Variants in CCDC180 observed in about 807,000 individuals in gnomAD.
CCDC180 encodes the protein coiled-coil domain containing 180, also known as coiled-coil domain-containing protein 180.
Under a neutral mutation model 209.2 loss-of-function variants are expected in CCDC180, and 154 were observed. The ratio of observed to expected loss-of-function variants is 0.74; its 90% CI spans 0.65 to 0.84. The LOEUF (loss-of-function observed/expected upper bound fraction) is 0.84. CCDC180 is among the 40% of genes least tolerant of loss of function. The probability of loss-of-function intolerance (pLI) is 0.00; values close to 1 mark genes in which losing one functional copy is unlikely to be tolerated. For synonymous variants in CCDC180, 778 were observed against 749.1 expected, an observed-to-expected ratio of 1.04 and a Z score of -0.63; for missense variants, 1,874 against 1,997.3, an observed-to-expected ratio of 0.94 and a Z score of 1.18.
intron 2 of CCDC180, among the ~76,000 whole-genome samples, chr9:97,309,007 A>G (rs1388242198): frequency 6.6e-6 from 1 of 152,200 alleles, no homozygotes; most frequent in Non-Finnish European, 1.5e-5. Flanking sequence ...TTAACCATAT[A>G]TCATCTCCTA....
intron 11 of CCDC180, 21 bp from the exon 12 acceptor site, chr9:97,322,812 C>T: frequency 6.2e-7 from 1 of 1,610,098 alleles, no homozygotes; most frequent in Non-Finnish European, 8.5e-7. Context: ...GACTGATTTG[C>T]TTTGTTTTCT....
At chr9:97,325,282 A>G (rs752213408) in intron 14 of CCDC180, 90 bp downstream of exon 14, 176 of 1,384,758 alleles carry the variant, frequency 1.3e-4, no homozygotes, top group Non-Finnish European at 1.5e-4. Context: ...ACCTTAAGCT[A>G]TGAAATTTGT....
At chr9:97,324,309 G>A (rs1833456092) in intron 13 of CCDC180, among the ~76,000 whole-genome samples, 1 of 152,206 alleles carries the variant, frequency 6.6e-6, no homozygotes, top group South Asian at 2.1e-4. Context: ...CACCTTGTCA[G>A]CTCCACCAGT....
Position 97,350,480 on chromosome 9 carries a change from G to A in CCDC180, c.2927G>A (p.Arg976His), listed in dbSNP as rs749258986. 2.9e-5 allele frequency: 45 copies of A among 1,536,252 alleles called. No individual in the cohort carries two copies. The highest frequency in any genetic ancestry group is 1.7e-4 in the Middle Eastern group (1 of 5,950). Residue 976 changes from arginine (R) to histidine (H), a missense_variant, in exon 22 of 37, where the codon CGC becomes CAC. By Grantham distance (29) the Arg-to-His change is conservative (BLOSUM62 0). Transcript: ENST00000529487. ...SYVDVTQVSL[R>H]SFRQYLEESL... is the part of the protein sequence containing the mutation. ...GTTGATGTCACCCAGGTGTCCCTGC[G>A]CAGCTTCCGGCAGTACTTGGAGGAG...
At chr9:97,361,652 A>C in intron 26 of CCDC180, 74 bp from the exon 27 acceptor site, 1 of 1,506,430 alleles carries the variant, frequency 6.6e-7, no homozygotes, top group Non-Finnish European at 9.0e-7. Context: ...GGGAGGGAAC[A>C]TGAATTCGGC....
intron 13 of CCDC180, among the ~76,000 whole-genome samples, chr9:97,324,758 G>T (rs1269931259): frequency 6.6e-6 from 1 of 152,260 alleles, no homozygotes; most frequent in East Asian, 1.9e-4. Flanking sequence ...TCCTGTCAGA[G>T]ACTTTTGTGG....
In CCDC180 at chr9:97,374,628, C is replaced by T. The variant is rs751895297; in HGVS notation, c.4686C>T (p.Pro1562=). The part of the protein sequence containing the change: ...GLSLKEESEK[P]LIERGSRKWP... ...CCCTGAAGGAAGAGAGTGAGAAACC[C>T]CTGATTGAACGTGGAAGCAGGTGAG... Residue 1562 remains proline, a synonymous_variant, in exon 35 of 37, where the codon CCC becomes CCT. Coordinates refer to ENST00000529487, the MANE Select transcript of CCDC180 (RefSeq NM_020893.6). 6.2e-7 allele frequency: 1 copy of T among 1,613,994 alleles called. No individual in the cohort carries two copies. The highest frequency in any genetic ancestry group is 8.5e-7 in the Non-Finnish European group (1 of 1,179,938).
upstream of CCDC180, chr9:97,307,630 A>C: frequency 1.9e-6 from 2 of 1,069,182 alleles, no homozygotes; most frequent in South Asian, 1.4e-5. Flanking sequence ...TCTGCGCCGC[A>C]TTAGAGTTCC....
rs781213224 is a variant in CCDC180 at position 97,313,335 on chromosome 9, A to G, written c.449A>G (p.Gln150Arg). The G allele has an allele frequency of 5.6e-6, 9 of 1,608,330 alleles. No individual in the cohort carries two copies. In the Admixed American group the frequency reaches 8.3e-5, roughly 15 times the overall value. The stretch of plus-strand genomic sequence containing the variant: ...GCCAGCTTTCAGGAGGAGATTGCGC[A>G]GGTGGGAAAGGTGAGAATCCTCCCT... ...ALASFQEEIA[Q>R]VGKEMEPLIV... is the part of the protein sequence containing the mutation. The change falls in exon 5 of 37, where the codon CAG becomes CGG. Residue 150 changes from glutamine (Q) to arginine (R), a missense_variant. By Grantham distance (43) the Gln-to-Arg change is conservative. Transcript: ENST00000529487.
At chr9:97,357,515 T>C in intron 24 of CCDC180, 112 bp from the exon 25 acceptor site, 1 of 718,172 alleles carries the variant, frequency 1.4e-6, no homozygotes. Context: ...TTTTCCCTGA[T>C]TTCATTTTTT....
chr9:97,330,884 A>G (rs1015788544), intron 18 of CCDC180, 117 bp downstream of exon 18: 5 of 1,004,810 alleles, frequency 5.0e-6, no homozygotes, highest in Non-Finnish European at 5.8e-6. Flanking sequence ...AGGTGCAGAA[A>G]GAGAATTACA....
At position 97,369,960 on chromosome 9, in the gene CCDC180, C is replaced by G; in HGVS notation, c.4228C>G (p.Pro1410Ala). 1 of 1,614,190 alleles carries G rather than the reference C, an allele frequency of 6.2e-7. No individual in the cohort carries two copies. The part of the protein sequence containing the change: ...IQIRRFEELL[P>A]QVCWLVMENF... Reference sequence around the variant, plus strand: ...GATCAGGAGATTTGAGGAGCTGCTGCCCCAAGTGTGTTGGCTGGTGATGGA... The same window carrying G: ...GATCAGGAGATTTGAGGAGCTGCTGGCCCAAGTGTGTTGGCTGGTGATGGA... Residue 1410 changes from proline to alanine, a missense_variant, in exon 32 of 37, where the codon CCC becomes GCC. Coordinates refer to ENST00000529487, the MANE Select transcript of CCDC180 (RefSeq NM_020893.6).
At chr9:97,325,535 A>G (rs1207379887) in intron 14 of CCDC180, among the ~76,000 whole-genome samples, 1 of 152,224 alleles carries the variant, frequency 6.6e-6, no homozygotes, top group African/African-American at 2.4e-5. Flanking sequence ...AAAGGAATAC[A>G]TCCACAGGGA....
rs1564165827 is a variant in CCDC180 at position 97,347,501 on chromosome 9, G to A, written c.2674+12G>A. 6.5e-7 allele frequency: 1 copy of A among 1,533,582 alleles called. No individual in the cohort carries two copies. The highest frequency in any genetic ancestry group is 2.0e-5 in the Admixed American group (1 of 50,912). The allele number at this position is 1,533,582 out of a possible 1,614,324, so 95.0% of individuals were successfully genotyped here. On this transcript the variant is annotated intron_variant, in intron 20 of 36. Transcript: ENST00000529487. ...CAACGTCAGGGCAGGTACAGATGCT[G>A]CCTGGGAATGTCTGCCCTGCCCGCA...
At chr9:97,323,959 G>C in intron 13 of CCDC180, 56 bp downstream of exon 13, 2 of 1,540,156 alleles carry the variant, frequency 1.3e-6, no homozygotes, top group Non-Finnish European at 8.8e-7. Flanking sequence ...GGGTCCCCGG[G>C]GTTGCTGGGC....
chr9:97,331,663 C>T (rs1825758395), intron 18 of CCDC180, among the ~76,000 whole-genome samples: 1 of 152,166 alleles, frequency 6.6e-6, no homozygotes, highest in Non-Finnish European at 1.5e-5. Flanking sequence ...TGATGTTGAG[C>T]ACCTTTTCAT....
rs2117939013 is a variant in CCDC180 at position 97,366,585 on chromosome 9, A to G, written c.4074A>G (p.Pro1358=). Residue 1358 remains proline, a synonymous_variant, in exon 31 of 37, where the codon CCA becomes CCG. Coordinates refer to ENST00000529487, the MANE Select transcript of CCDC180 (RefSeq NM_020893.6). The surrounding 1 kb of genome is among the most constrained non-coding windows in gnomAD (Gnocchi z 4.3). ...AEEFYRKEKR[P]VTRPDCMCDT... ...AGTTCTACCGTAAAGAAAAACGCCC[A>G]GTCACCAGGCCTGACTGCATGTGTG... is the stretch of plus-strand genomic sequence containing the variant. 6.2e-7 allele frequency: 1 copy of G among 1,614,174 alleles called. No individual in the cohort carries two copies. The highest frequency in any genetic ancestry group is 8.5e-7 in the Non-Finnish European group (1 of 1,179,994).
At chr9:97,351,948 A>G (rs1180239519) in intron 22 of CCDC180, among the ~76,000 whole-genome samples, 1 of 152,150 alleles carries the variant, frequency 6.6e-6, no homozygotes, top group Non-Finnish European at 1.5e-5. Context: ...CCCCGTCTCT[A>G]CTAAAAATAC....
Position 97,374,260 on chromosome 9 carries a change from T to C in CCDC180, c.4601-283T>C, listed in dbSNP as rs775871183. ...TCTATGAACCATATCCGGGGACTCATGGAAACTGCAGCAACGTCAGAGCAT... is the reference window on the plus strand; with the variant it reads ...TCTATGAACCATATCCGGGGACTCACGGAAACTGCAGCAACGTCAGAGCAT... On this transcript the variant is annotated intron_variant, in intron 34 of 36. Transcript: ENST00000529487. 5.3e-4 allele frequency: 210 copies of C among 398,096 alleles called. 1 individual carries two copies. Among genetic ancestry groups the C allele is most frequent in the Non-Finnish European group, 3.3e-4 (72 of 220,078 alleles). The allele number at this position is 398,096 out of a possible 1,614,324, so 24.7% of individuals were successfully genotyped here. A position where few individuals can be genotyped will look rare whatever the true frequency, so the allele number is the denominator to read the frequency against.
Sources: allele counts gnomAD v4.1 joint callset (sites outside exome capture counted in the v4.1 genomes callset), GRCh38; gene constraint gnomAD v4.1.1; non-coding constraint Gnocchi (gnomAD v3.1); transcripts MANE v1.5; gene names NCBI Gene and HGNC (gene_info 2026-07-23, HGNC 2026-07-21).